The following SLC8A1 variants were observed in gnomAD, a reference collection of about 807,000 sequenced individuals.
SLC8A1 encodes the protein solute carrier family 8 member A1.
A neutral mutation model predicts 68.3 loss-of-function variants in SLC8A1; 18 were observed. The ratio of observed to expected loss-of-function variants is 0.26; its 90% confidence interval spans 0.18 to 0.39. The LOEUF is 0.39. Among genes scored for constraint, SLC8A1 ranks in the 10% least tolerant of loss-of-function variants. The pLI is 1.00. For synonymous variants in SLC8A1, 475 were observed against 415.5 expected (o/e 1.14, Z -1.74); for missense variants, 985 against 1,156.7 (o/e 0.85, Z 2.15).
intron 2 of SLC8A1, among the ~76,000 whole-genome samples, chr2:40,392,806 C>G (rs1685737350): frequency 6.6e-6 from 1 of 152,040 alleles, no homozygotes; most frequent in African/African-American, 2.4e-5. Context: ...CAAAGGAGGG[C>G]TTTCAGCATT....
At chr2:40,415,805 G>A (rs916993716) in intron 2 of SLC8A1, among the ~76,000 whole-genome samples, 3 of 149,976 alleles carry the variant, frequency 2.0e-5, no homozygotes, top group East Asian at 2.0e-4. Flanking sequence ...CCTGAGGTCC[G>A]GAGTTCAAGA....
intron 1 of SLC8A1, among the ~76,000 whole-genome samples, chr2:40,484,567 C>T (rs761998004): frequency 6.6e-5 from 10 of 152,286 alleles, no homozygotes; most frequent in Non-Finnish European, 1.2e-4. Context: ...CCGAATCTAA[C>T]GCGAGGGGCT....
intron 2 of SLC8A1, among the ~76,000 whole-genome samples, chr2:40,193,693 A>G (rs563596323): frequency 3.3e-5 from 5 of 152,216 alleles, no homozygotes; most frequent in African/African-American, 1.2e-4. Flanking sequence ...ATGGACTGCT[A>G]TTATCCAATT....
intron 2 of SLC8A1, among the ~76,000 whole-genome samples, chr2:40,342,418 TTTG>T (rs1178642306): frequency 2.0e-5 from 3 of 152,114 alleles, no homozygotes; most frequent in Non-Finnish European, 4.4e-5. Flanking sequence ...ATACAGAAAT[TTTG>T]TTGTTGTAGA....
chr2:40,362,938 A>C (rs1410300207), intron 2 of SLC8A1, among the ~76,000 whole-genome samples: 1 of 152,102 alleles, frequency 6.6e-6, no homozygotes, highest in East Asian at 1.9e-4. Flanking sequence ...CATGCAATAC[A>C]GTTTATCTAG....
chr2:40,497,846 G>T (rs1705809230), intron 1 of SLC8A1, among the ~76,000 whole-genome samples: 1 of 152,022 alleles, frequency 6.6e-6, no homozygotes, highest in East Asian at 1.9e-4. Context: ...TTTTACCTGT[G>T]GGTGTGCTTG....
At chr2:40,295,677 T>G (rs1218470673) in intron 2 of SLC8A1, among the ~76,000 whole-genome samples, 4 of 152,322 alleles carry the variant, frequency 2.6e-5, no homozygotes, top group South Asian at 4.1e-4. Context: ...CTGTGAATCA[T>G]GAAGTATTGA....
chr2:40,184,634 C>A (rs1436828886), intron 2 of SLC8A1, among the ~76,000 whole-genome samples: 1 of 152,126 alleles, frequency 6.6e-6, no homozygotes. Context: ...ATTTCAGTTG[C>A]CGCAGAAGAC....
chr2:40,323,184 T>C (rs1038760136), intron 2 of SLC8A1, among the ~76,000 whole-genome samples: 1 of 152,126 alleles, frequency 6.6e-6, no homozygotes. Flanking sequence ...ATAGAAAAAT[T>C]ACAAGATTGA....
chr2:40,468,464 TTAAA>T (rs1349546856), intron 1 of SLC8A1, among the ~76,000 whole-genome samples: 1 of 152,124 alleles, frequency 6.6e-6, no homozygotes, highest in Non-Finnish European at 1.5e-5. Context: ...CTCATTAAGT[TTAAA>T]TAAGCGCCTT....
intron 2 of SLC8A1, among the ~76,000 whole-genome samples, chr2:40,378,407 G>A (rs879170346): frequency 1.3e-5 from 2 of 152,096 alleles, no homozygotes; most frequent in Non-Finnish European, 2.9e-5. Context: ...TGGAGTACAA[G>A]ACCTAGAAAA....
chr2:40,410,818 T>C (rs1278248192), intron 2 of SLC8A1, among the ~76,000 whole-genome samples: 2 of 152,084 alleles, frequency 1.3e-5, no homozygotes. Context: ...TACCTTATCT[T>C]GTGATACTTA....
chr2:40,432,549 C>A (rs1441219445), intron 1 of SLC8A1, among the ~76,000 whole-genome samples: 1 of 150,794 alleles, frequency 6.6e-6, no homozygotes, highest in Non-Finnish European at 1.5e-5. Flanking sequence ...TTGTGGATAT[C>A]TGTAGGAAAA....
chr2:40,266,840 G>T (rs528485593), intron 2 of SLC8A1, among the ~76,000 whole-genome samples: 2 of 152,292 alleles, frequency 1.3e-5, no homozygotes, highest in African/African-American at 4.8e-5. Flanking sequence ...TTGGCACTCT[G>T]CTTCCACCCC....
chr2:40,418,108 A>G (rs1694417866), intron 2 of SLC8A1, among the ~76,000 whole-genome samples: 1 of 152,214 alleles, frequency 6.6e-6, no homozygotes. Context: ...CCCTAAAATA[A>G]TTCAAACCTA....
chr2:40,449,936 G>A (rs1702123953), intron 1 of SLC8A1, among the ~76,000 whole-genome samples: 1 of 152,106 alleles, frequency 6.6e-6, no homozygotes, highest in Non-Finnish European at 1.5e-5. Context: ...CAAAATCAGG[G>A]CTTCTTTTAT....
At chr2:40,199,639 G>T (rs1204558872) in intron 2 of SLC8A1, among the ~76,000 whole-genome samples, 2 of 151,762 alleles carry the variant, frequency 1.3e-5, no homozygotes, top group Non-Finnish European at 2.9e-5. Context: ...AGCAGAACAA[G>T]TTCTGCTATA....
intron 7 of SLC8A1, among the ~76,000 whole-genome samples, chr2:40,127,720 G>A (rs1165178902): frequency 6.6e-6 from 1 of 152,150 alleles, no homozygotes; most frequent in Non-Finnish European, 1.5e-5. Context: ...ATTTATGGAG[G>A]ACTATGCCAA....
At chr2:40,200,838 T>A (rs1023990426) in intron 2 of SLC8A1, among the ~76,000 whole-genome samples, 10 of 151,924 alleles carry the variant, frequency 6.6e-5, no homozygotes, top group African/African-American at 2.4e-4. Flanking sequence ...CATTTTTATA[T>A]AGTCGGTTTA....
Sources: gnomAD v4.1 joint callset for allele counts (sites outside exome capture counted in the v4.1 genomes callset) on GRCh38, gnomAD v4.1.1 for gene constraint, MANE v1.5 for transcripts, NCBI Gene and HGNC (gene_info 2026-07-23, HGNC 2026-07-21) for gene names.